Variants in ZBTB22 observed in about 807,000 individuals in gnomAD.
ZBTB22 encodes the protein zinc finger and BTB domain containing 22.
For missense variants in ZBTB22, 668 were observed against 834.1 expected (o/e 0.80, Z 2.45); for synonymous variants, 356 against 347.3 (o/e 1.03, Z -0.28).
chr6:33,314,575 A>G lies in ZBTB22; in HGVS notation c.*437T>C, dbSNP rs926636961. 2.4e-5 allele frequency: 5 copies of G among 207,670 alleles called. No homozygotes were observed. Among genetic ancestry groups the G allele is most frequent in the Non-Finnish European group, 4.9e-5 (5 of 102,390 alleles). 12.9% of individuals were successfully genotyped at this position (207,670 alleles called of 1,614,324 possible). A position where few individuals can be genotyped will look rare whatever the true frequency, so the allele number is the denominator to read the frequency against. On this transcript the variant is annotated 3_prime_UTR_variant, in exon 2 of 2. Transcript: ENST00000431845. ...TGGCGGGGAGAGACAGGGTAGAAAT[A>G]AAGAGCGCATCCTTGAGAGGGGGTA... is the stretch of plus-strand genomic sequence containing the variant.
Position 33,316,525 on chromosome 6 carries a change from C to G in ZBTB22, c.392G>C (p.Gly131Ala), listed in dbSNP as rs760403829. ...AADIVNFLTV[G>A]SVLQMWHIVD... ...AATGTGCCACATTTGGAGCACAGAC[C>G]CCACTGTAAGGAAGTTGACAATGTC... is the stretch of plus-strand genomic sequence containing the variant. Residue 131 changes from glycine to alanine, a missense_variant, in exon 2 of 2, where the codon GGG (glycine) becomes GCG (alanine). By Grantham distance (60) the Gly-to-Ala change is moderately conservative. Coordinates refer to ENST00000431845, the MANE Select transcript of ZBTB22 (RefSeq NM_005453.5). The surrounding 1 kb of genome is among the most constrained non-coding windows in gnomAD (Gnocchi z 7.2). 2 of 1,614,172 alleles carry G rather than the reference C, an allele frequency of 1.2e-6. No homozygotes were observed. Among genetic ancestry groups the G allele is most frequent in the South Asian group, 1.1e-5 (1 of 91,086 alleles).
chr6:33,315,904 T>C lies in ZBTB22; in HGVS notation c.1013A>G (p.Glu338Gly). ...AACCCTGGAGCTACCCCCTAGTTCTTCATCTTCATCATCCTCACAGGTCAA... is the reference window on the plus strand; with the variant it reads ...AACCCTGGAGCTACCCCCTAGTTCTCCATCTTCATCATCCTCACAGGTCAA... ...LVLTCEDDED[E>G]ELGGSSRVPV... Residue 338 changes from glutamate to glycine, a missense_variant, in exon 2 of 2, where the codon GAA becomes GGA. Transcript: ENST00000431845. This position sits in a 1 kb window ranked among gnomAD's most constrained non-coding sequence, Gnocchi z 5.4. The C allele has an allele frequency of 6.2e-7, 1 of 1,613,942 alleles. No homozygotes were observed. The highest frequency in any genetic ancestry group is 8.5e-7 in the Non-Finnish European group (1 of 1,179,968).
chr6:33,317,106 C>A, intron 1 of ZBTB22, 121 bp from the exon 2 acceptor site: 1 of 642,696 alleles, frequency 1.6e-6, no homozygotes, highest in South Asian at 2.3e-5. Flanking sequence ...GGTAGGTATT[C>A]CTCTCAACCC....
intron 1 of ZBTB22, 36 bp from the exon 2 acceptor site, chr6:33,317,021 C>G: frequency 3.0e-6 from 4 of 1,353,380 alleles, no homozygotes; most frequent in Non-Finnish European, 4.0e-6. Context: ...ATGATAACAT[C>G]TCATAACGAC....
At position 33,314,823 on chromosome 6, in the gene ZBTB22, G is replaced by C; in HGVS notation, c.*189C>G. 1.7e-6 allele frequency: 2 copies of C among 1,143,726 alleles called. No homozygotes were observed. Among genetic ancestry groups the C allele is most frequent in the Non-Finnish European group, 2.4e-6 (2 of 848,410 alleles). 70.8% of individuals were successfully genotyped at this position (1,143,726 alleles called of 1,614,324 possible). On this transcript the variant is annotated 3_prime_UTR_variant, in exon 2 of 2. Coordinates refer to ENST00000431845, the MANE Select transcript of ZBTB22 (RefSeq NM_005453.5). ...TTTAGTTCTGGAAATACCTTGGGGG[G>C]GAGGGGTTGAGTAGTAGAATGGGCG...
At position 33,315,516 on chromosome 6, in the gene ZBTB22, C is replaced by T. The variant is rs369225634; in HGVS notation, c.1401G>A (p.Pro467=). 18 of 1,613,786 alleles carry T rather than the reference C, an allele frequency of 1.1e-5. No individual in the cohort carries two copies. In the African/African-American group the frequency reaches 1.2e-4, roughly 11 times the overall value. Residue 467 remains proline (P), a synonymous_variant, in exon 2 of 2, where the codon CCG becomes CCA. Transcript: ENST00000431845. The surrounding 1 kb of genome is among the most constrained non-coding windows in gnomAD (Gnocchi z 5.4). ...GGTSVGSLGV[P]GSVGGVPGGT... is the part of the protein sequence containing the mutation. ...CTCCAGGGACCCCACCAACGCTACC[C>T]GGCACACCCAGGCTCCCCACCGACG... is the stretch of plus-strand genomic sequence containing the variant.
chr6:33,315,124 C>A lies in ZBTB22; in HGVS notation c.1793G>T (p.Gly598Val). 6.2e-7 allele frequency: 1 copy of A among 1,612,612 alleles called. No homozygotes were observed. Among genetic ancestry groups the A allele is most frequent in the African/African-American group, 1.3e-5 (1 of 75,038 alleles). The change falls in exon 2 of 2, where the codon GGC becomes GTC. Residue 598 changes from glycine (G) to valine (V), a missense_variant. Coordinates refer to ENST00000431845, the MANE Select transcript of ZBTB22 (RefSeq NM_005453.5). This position sits in a 1 kb window ranked among gnomAD's most constrained non-coding sequence, Gnocchi z 5.4. ...SKRESPGVGGGSGDEASAATP... is the reference protein window; with the variant it reads ...SKRESPGVGGVSGDEASAATP... ...GGCCGCACTCGCTTCGTCGCCGCTG[C>A]CCCCGCCCACTCCGGGAGACTCTCT...
At position 33,314,448 on chromosome 6, in the gene ZBTB22, T is replaced by TA. The variant is rs374129754; in HGVS notation, c.*563dup. The TA allele has an allele frequency of 3.6e-5, 9 of 247,292 alleles. No homozygotes were observed. Among genetic ancestry groups the TA allele is most frequent in the South Asian group, 1.9e-4 (2 of 10,790 alleles). 15.3% of individuals were successfully genotyped at this position (247,292 alleles called of 1,614,324 possible). A position where few individuals can be genotyped will look rare whatever the true frequency, so the allele number is the denominator to read the frequency against. ...GACCAATAAATATTTTAATCACTGT[T>TA]AAAAAAAATAAAAACCTTGTACTCC... On this transcript the variant is annotated 3_prime_UTR_variant, in exon 2 of 2. Coordinates refer to ENST00000431845, the MANE Select transcript of ZBTB22 (RefSeq NM_005453.5).
At position 33,315,207 on chromosome 6, in the gene ZBTB22, G is replaced by A. The variant is rs1462226803; in HGVS notation, c.1710C>T (p.Gly570=). ...CAGGCCCAGGTACGGCCCCGACCCC[G>A]CCCAGGCGGTGCCGGCGCTCACAGT... ...RGHCERRHRL[G]GVGAVPGPGT... Residue 570 remains glycine (G), a synonymous_variant, in exon 2 of 2, where the codon GGC becomes GGT. Transcript: ENST00000431845. The surrounding 1 kb of genome is among the most constrained non-coding windows in gnomAD (Gnocchi z 5.4). 3 of 1,612,656 alleles carry A rather than the reference G, an allele frequency of 1.9e-6. No homozygotes were observed. Among genetic ancestry groups the A allele is most frequent in the Non-Finnish European group, 2.5e-6 (3 of 1,179,488 alleles).
intron 1 of ZBTB22, 90 bp from the exon 2 acceptor site, chr6:33,317,075 T>C: frequency 1.1e-6 from 1 of 872,130 alleles, no homozygotes; most frequent in South Asian, 1.9e-5. Context: ...TCATTATCTG[T>C]GTAACTCCCC....
In ZBTB22 at chr6:33,315,656, T is replaced by C. The variant is rs772440285; in HGVS notation, c.1261A>G (p.Met421Val). 2.5e-6 allele frequency: 4 copies of C among 1,613,816 alleles called. No individual in the cohort carries two copies. Among genetic ancestry groups the C allele is most frequent in the Non-Finnish European group, 2.5e-6 (3 of 1,179,926 alleles). The change falls in exon 2 of 2, where the codon ATG (methionine) becomes GTG (valine). Residue 421 changes from methionine to valine, a missense_variant. Transcript: ENST00000431845. The surrounding 1 kb of genome is among the most constrained non-coding windows in gnomAD (Gnocchi z 5.4). ...AAGACCAGGATCTGGTTGCCCTGCA[T>C]GTCCAAGGGAAGGAGCGGTCGAGGA... ...HPPRPLLPLD[M>V]QGNQILVFPS...
Position 33,315,915 on chromosome 6 carries a change from A to G in ZBTB22, c.1002T>C (p.Asp334=). The G allele has an allele frequency of 6.2e-7, 1 of 1,613,646 alleles. No individual in the cohort carries two copies. Among genetic ancestry groups the G allele is most frequent in the Non-Finnish European group, 8.5e-7 (1 of 1,179,898 alleles). ...TACCCCCTAGTTCTTCATCTTCATC[A>G]TCCTCACAGGTCAACACCAGATCTT... ...EEEDLVLTCE[D]DEDEELGGSS... The change falls in exon 2 of 2, where the codon GAT becomes GAC. Residue 334 remains aspartate (D), a synonymous_variant. Transcript: ENST00000431845. The surrounding 1 kb of genome is among the most constrained non-coding windows in gnomAD (Gnocchi z 5.4).
In ZBTB22 at chr6:33,315,709, G is replaced by A; in HGVS notation, c.1208C>T (p.Thr403Ile). Reference sequence around the variant, plus strand: ...GTGGGAGGGGGCATAGGAAGAGGGAGTTGGCCCCCCTGAGTCATCAAGACC... The same window carrying A: ...GTGGGAGGGGGCATAGGAAGAGGGAATTGGCCCCCCTGAGTCATCAAGACC... ...VAGLDDSGGP[T>I]PSSYAPSHPP... is the part of the protein sequence containing the mutation. Residue 403 changes from threonine to isoleucine, a missense_variant, in exon 2 of 2, where the codon ACT (threonine) becomes ATT (isoleucine). By Grantham distance (89) the Thr-to-Ile change is moderately conservative. Transcript: ENST00000431845. The surrounding 1 kb of genome is among the most constrained non-coding windows in gnomAD (Gnocchi z 5.4). 6.2e-7 allele frequency: 1 copy of A among 1,612,880 alleles called. No homozygotes were observed. The highest frequency in any genetic ancestry group is 8.5e-7 in the Non-Finnish European group (1 of 1,179,330).
Position 33,316,448 on chromosome 6 carries a change from T to C in ZBTB22, c.469A>G (p.Thr157Ala), listed in dbSNP as rs1366692568. The C allele has an allele frequency of 1.9e-6, 3 of 1,613,986 alleles. No individual in the cohort carries two copies. The highest frequency in any genetic ancestry group is 1.6e-4 in the Middle Eastern group (1 of 6,062). Residue 157 changes from threonine to alanine, a missense_variant, in exon 2 of 2, where the codon ACC becomes GCC. Physicochemically the swap from Thr to Ala is moderately conservative, Grantham distance 58 (BLOSUM62 0). Transcript: ENST00000431845. The surrounding 1 kb of genome is among the most constrained non-coding windows in gnomAD (Gnocchi z 7.2). ...LREGRASATT[T>A]ITTAAATSVT... ...GAGGTGGCTGCAGCAGTAGTGATGG[T>C]GGTGGTAGCTGAGGCCCGGCCTTCT... is the stretch of plus-strand genomic sequence containing the variant.
At chr6:33,317,460 C>A (rs1170956879) in intron 1 of ZBTB22, among the ~76,000 whole-genome samples, 193 bp downstream of exon 1, 1 of 148,318 alleles carries the variant, frequency 6.7e-6, no homozygotes, top group East Asian at 2.0e-4. Context: ...CCCCCTTTCG[C>A]CCCAGCTTCT....
chr6:33,314,820 G>C lies in ZBTB22; in HGVS notation c.*192C>G, dbSNP rs542769653. On this transcript the variant is annotated 3_prime_UTR_variant, in exon 2 of 2. Transcript: ENST00000431845. The stretch of plus-strand genomic sequence containing the variant: ...GGGTTTAGTTCTGGAAATACCTTGG[G>C]GGGGAGGGGTTGAGTAGTAGAATGG... The C allele has an allele frequency of 1.5e-4, 164 of 1,125,974 alleles. 1 individual carries two copies. The highest frequency in any genetic ancestry group is 4.7e-4 in the South Asian group (23 of 48,650). 69.7% of individuals were successfully genotyped at this position (1,125,974 alleles called of 1,614,324 possible).
chr6:33,316,175 C>T lies in ZBTB22; in HGVS notation c.742G>A (p.Gly248Ser), dbSNP rs202057448. Reference protein sequence around the residue: ...GGPVFPAPVVGSGGATSGKLL... With the variant: ...GGPVFPAPVVSSGGATSGKLL... ...TTTCCAGATGTGGCCCCTCCACTGC[C>T]AACGACAGGGGCTGGGAATACAGGG... is the stretch of plus-strand genomic sequence containing the variant. The change falls in exon 2 of 2, where the codon GGC (glycine) becomes AGC (serine). Residue 248 changes from glycine (G) to serine (S), a missense_variant. By Grantham distance (56) the Gly-to-Ser change is moderately conservative. Coordinates refer to ENST00000431845, the MANE Select transcript of ZBTB22 (RefSeq NM_005453.5). The surrounding 1 kb of genome is among the most constrained non-coding windows in gnomAD (Gnocchi z 7.2). 21 of 1,613,982 alleles carry T rather than the reference C, an allele frequency of 1.3e-5. No individual in the cohort carries two copies. The African/African-American group carries it at 2.8e-4, about 22-fold the overall frequency.
In ZBTB22 at chr6:33,315,649, C is replaced by T. The variant is rs1769805976; in HGVS notation, c.1268G>A (p.Gly423Asp). 3.1e-6 allele frequency: 5 copies of T among 1,613,778 alleles called. No homozygotes were observed. The highest frequency in any genetic ancestry group is 4.2e-6 in the Non-Finnish European group (5 of 1,179,966). Reference sequence around the variant, plus strand: ...CGACGGGAAGACCAGGATCTGGTTGCCCTGCATGTCCAAGGGAAGGAGCGG... The same window carrying T: ...CGACGGGAAGACCAGGATCTGGTTGTCCTGCATGTCCAAGGGAAGGAGCGG... The part of the protein sequence containing the change: ...PRPLLPLDMQ[G>D]NQILVFPSSS... Residue 423 changes from glycine to aspartate, a missense_variant, in exon 2 of 2, where the codon GGC becomes GAC. Physicochemically the swap from Gly to Asp is moderately conservative, Grantham distance 94. Transcript: ENST00000431845. This position sits in a 1 kb window ranked among gnomAD's most constrained non-coding sequence, Gnocchi z 5.4.
rs1562707683 is a variant in ZBTB22, at chr6:33,315,609, T to C, written c.1308A>G (p.Ser436=). 6.2e-7 allele frequency: 1 copy of C among 1,613,710 alleles called. No individual in the cohort carries two copies. The highest frequency in any genetic ancestry group is 8.5e-7 in the Non-Finnish European group (1 of 1,179,918). The stretch of plus-strand genomic sequence containing the variant: ...GTGGTTGGCCAGGAGCCTGTGAGGA[T>C]GAGGATGAAGACGACGACGGGAAGA... The part of the protein sequence containing the change: ...ILVFPSSSSS[S]SSQAPGQPPG... The change falls in exon 2 of 2, where the codon TCA becomes TCG. Residue 436 remains serine, a synonymous_variant. Coordinates refer to ENST00000431845, the MANE Select transcript of ZBTB22 (RefSeq NM_005453.5). The surrounding 1 kb of genome is among the most constrained non-coding windows in gnomAD (Gnocchi z 5.4).
Sources: gnomAD v4.1 joint callset for allele counts (sites outside exome capture counted in the v4.1 genomes callset) on GRCh38, gnomAD v4.1.1 for gene constraint, Gnocchi (gnomAD v3.1) non-coding constraint, MANE v1.5 for transcripts, NCBI Gene and HGNC (gene_info 2026-07-23, HGNC 2026-07-21) for gene names.